TAFA1: variants seen among roughly 807,000 people sequenced by gnomAD.
The protein encoded by TAFA1 is TAFA chemokine like family member 1.
TAFA1 carries 4 observed loss-of-function variants against 18.5 expected under a neutral mutation model. That is an observed-to-expected ratio of 0.22 (90% CI 0.11 to 0.49). TAFA1 has a LOEUF of 0.49. Ranked by LOEUF, TAFA1 falls within the 20% of genes least tolerant of loss-of-function variation. The pLI is 0.98. For synonymous variants in TAFA1, 56 were observed against 55.2 expected, an observed-to-expected ratio of 1.01 and a Z score of -0.06; for missense variants, 147 against 169.0, an observed-to-expected ratio of 0.87 and a Z score of 0.72.
chr3:68,471,986 G>A (rs987835045), intron 3 of TAFA1, among the ~76,000 whole-genome samples: 6 of 152,114 alleles, frequency 3.9e-5, no homozygotes, highest in South Asian at 2.1e-4. Context: ...TTTGCACTGT[G>A]GGCTTTTGAG....
chr3:68,152,429 G>A (rs2065816820), intron 2 of TAFA1, among the ~76,000 whole-genome samples: 1 of 152,110 alleles, frequency 6.6e-6, no homozygotes, highest in African/African-American at 2.4e-5. Flanking sequence ...TGATAGTGCT[G>A]TAAAACCCTG....
chr3:68,343,664 T>C (rs138279165), intron 2 of TAFA1, among the ~76,000 whole-genome samples: 1 of 152,338 alleles, frequency 6.6e-6, no homozygotes, highest in African/African-American at 2.4e-5. Flanking sequence ...CAGTTCAGGT[T>C]CAAACTATAT....
chr3:68,515,316 C>G (rs1436038582), intron 3 of TAFA1, among the ~76,000 whole-genome samples: 1 of 152,158 alleles, frequency 6.6e-6, no homozygotes, highest in Non-Finnish European at 1.5e-5. Flanking sequence ...GTAACTAGAG[C>G]CAGCCCAGCT....
chr3:68,503,659 T>C (rs902070246), intron 3 of TAFA1, among the ~76,000 whole-genome samples: 1 of 152,190 alleles, frequency 6.6e-6, no homozygotes, highest in Non-Finnish European at 1.5e-5. Context: ...CACTTTAAAA[T>C]ACTTGAAGTC....
At chr3:68,089,737 G>C (rs182370506) in intron 2 of TAFA1, among the ~76,000 whole-genome samples, 169 of 152,258 alleles carry the variant, frequency 1.1e-3, no homozygotes, top group African/African-American at 4.0e-3. Context: ...TGTAGTTCCT[G>C]AGGCACTCAG....
intron 2 of TAFA1, among the ~76,000 whole-genome samples, chr3:68,335,583 A>AT (rs1005619696): frequency 1.3e-4 from 20 of 151,820 alleles, no homozygotes; most frequent in African/African-American, 3.9e-4. Flanking sequence ...AGTGGGACAA[A>AT]TTTTTTTTTA....
At chr3:68,023,001 G>A (rs2106801078) in intron 2 of TAFA1, among the ~76,000 whole-genome samples, 1 of 147,796 alleles carries the variant, frequency 6.8e-6, no homozygotes, top group African/African-American at 2.5e-5. Flanking sequence ...ACCAGTGAAG[G>A]AAATCAGGCT....
At chr3:68,355,916 T>C (rs1168493691) in intron 2 of TAFA1, among the ~76,000 whole-genome samples, 2 of 151,994 alleles carry the variant, frequency 1.3e-5, no homozygotes, top group Non-Finnish European at 2.9e-5. Flanking sequence ...TACATATGAC[T>C]ATTTAAATTT....
chr3:68,165,488 A>T lies in TAFA1; in HGVS notation c.118+158744A>T, dbSNP rs146973163. Among the ~76,000 whole-genome samples, 490 of 152,362 alleles carry T rather than the reference A, an allele frequency of 3.2e-3. 2 individuals are homozygous for T. Among genetic ancestry groups the T allele is most frequent in the Middle Eastern group, 6.8e-3 (2 of 294 alleles). On this transcript the variant is annotated intron_variant, in intron 2 of 4. Transcript: ENST00000478136. Reference sequence around the variant, plus strand: ...GAAGCAGCTAAAATAATAAGCTTAGATAATTTAATTCATTCCAGAACATTT... The same window carrying T: ...GAAGCAGCTAAAATAATAAGCTTAGTTAATTTAATTCATTCCAGAACATTT...
At chr3:68,497,052 T>G (rs1199769597) in intron 3 of TAFA1, among the ~76,000 whole-genome samples, 1 of 152,166 alleles carries the variant, frequency 6.6e-6, no homozygotes, top group East Asian at 1.9e-4. Context: ...CTTGGTACAG[T>G]GCTTAGAATG....
rs1575580827 is a variant in TAFA1 at position 68,027,234 on chromosome 3, T to C, written c.118+20490T>C. Among the ~76,000 whole-genome samples the C allele has an allele frequency of 2.0e-5, 3 of 152,210 alleles. No homozygotes were observed. The East Asian group carries it at 5.8e-4, about 29-fold the overall frequency. On this transcript the variant is annotated intron_variant, in intron 2 of 4. Coordinates refer to ENST00000478136, the MANE Select transcript of TAFA1 (RefSeq NM_213609.4). ...GAGTCTTCTCTAAGACGTGAGAGGTTTACTGCCTTTTGAGGTAGACTATTT... is the reference window on the plus strand; with the variant it reads ...GAGTCTTCTCTAAGACGTGAGAGGTCTACTGCCTTTTGAGGTAGACTATTT...
chr3:68,001,538 T>C (rs1020562058), upstream of TAFA1, among the ~76,000 whole-genome samples: 43 of 152,122 alleles, frequency 2.8e-4, no homozygotes, highest in African/African-American at 9.4e-4. Context: ...AGGATTTTTA[T>C]TCTTTCTTAA....
At chr3:68,020,156 G>A (rs547685875) in intron 2 of TAFA1, among the ~76,000 whole-genome samples, 2 of 152,138 alleles carry the variant, frequency 1.3e-5, no homozygotes, top group African/African-American at 4.8e-5. Context: ...ATGCAATTCA[G>A]TTGTCCCATC....
At chr3:68,489,110 G>A (rs1190476558) in intron 3 of TAFA1, among the ~76,000 whole-genome samples, 1 of 152,206 alleles carries the variant, frequency 6.6e-6, no homozygotes, top group East Asian at 1.9e-4. Context: ...TAGTAAGGCA[G>A]AAGAGTTGCA....
In TAFA1 at chr3:68,424,365, A is replaced by C. The variant is rs539973983; in HGVS notation, c.259+6945A>C. Among the ~76,000 whole-genome samples, 10 of 152,152 alleles carry C rather than the reference A, an allele frequency of 6.6e-5. No individual in the cohort carries two copies. The East Asian group carries it at 1.9e-3, about 29-fold the overall frequency. ...AGTAAAAGAGAGTAGTTAATAAAGA[A>C]ATGCTTAGAAGGAACATTAATACAT... is the stretch of plus-strand genomic sequence containing the variant. On this transcript the variant is annotated intron_variant, in intron 3 of 4. Coordinates refer to ENST00000478136, the MANE Select transcript of TAFA1 (RefSeq NM_213609.4).
chr3:68,096,131 CCTT>C (rs2065084406), intron 2 of TAFA1, among the ~76,000 whole-genome samples: 1 of 152,126 alleles, frequency 6.6e-6, no homozygotes, highest in African/African-American at 2.4e-5. Context: ...CCCTCTACCT[CCTT>C]GAGATTAAAT....
chr3:68,240,266 G>T (rs1575699749), intron 2 of TAFA1, among the ~76,000 whole-genome samples: 1 of 152,176 alleles, frequency 6.6e-6, no homozygotes, highest in Admixed American at 6.5e-5. Context: ...AGCTGTTTAA[G>T]AAAGCACAGT....
At chr3:68,224,370 C>A (rs1395984442) in intron 2 of TAFA1, among the ~76,000 whole-genome samples, 1 of 152,084 alleles carries the variant, frequency 6.6e-6, no homozygotes, top group Non-Finnish European at 1.5e-5. Context: ...CTCTGTAGGG[C>A]CCAGGCTCAG....
chr3:68,196,820 C>A (rs2066416426), intron 2 of TAFA1, among the ~76,000 whole-genome samples: 1 of 151,674 alleles, frequency 6.6e-6, no homozygotes, highest in Admixed American at 6.6e-5. Flanking sequence ...TTTTAATTGG[C>A]CCTGTTTAGC....
Sources: allele counts gnomAD v4.1 joint callset (sites outside exome capture counted in the v4.1 genomes callset), GRCh38; gene constraint gnomAD v4.1.1; transcripts MANE v1.5; gene names NCBI Gene and HGNC (gene_info 2026-07-23, HGNC 2026-07-21).